MYO10: variants seen among roughly 807,000 people sequenced by gnomAD.
MYO10 encodes the protein myosin X.
MYO10 carries 133 observed loss-of-function variants against 257.3 expected under a neutral mutation model. The ratio of observed to expected loss-of-function variants is 0.52; its 90% confidence interval spans 0.45 to 0.60. The LOEUF is 0.60. Ranked by LOEUF, MYO10 falls within the 20% of genes least tolerant of loss-of-function variation. The pLI, the probability that MYO10 is intolerant of heterozygous loss-of-function variation, is 0.00. For synonymous variants in MYO10, 1,104 were observed against 1,028.6 expected, an observed-to-expected ratio of 1.07 and a Z score of -1.40; for missense variants, 2,399 against 2,635.7, an observed-to-expected ratio of 0.91 and a Z score of 1.97.
At chr5:16,680,232 C>T in intron 32 of MYO10, 128 bp from the exon 33 acceptor site, 2 of 1,176,676 alleles carry the variant, frequency 1.7e-6, no homozygotes, top group South Asian at 3.3e-5. Context: ...TTAATTCCTA[C>T]ATGTGTCCTG....
chr5:16,796,205 A>AG lies in MYO10; in HGVS notation c.280-1373_280-1372insC, dbSNP rs1244936323. ...CTCTGTCAAAAAAAAAAAAAAAAAG[A>AG]AAGAACAGAGAGAGAGCGAGAAAGA... On this transcript the variant is annotated intron_variant, in intron 3 of 40. Transcript: ENST00000513610. Among the ~76,000 whole-genome samples the AG allele has an allele frequency of 5.0e-4, 32 of 63,862 alleles. 3 individuals carry two copies. Among genetic ancestry groups the AG allele is most frequent in the African/African-American group, 1.1e-3 (25 of 21,980 alleles). 41.9% of individuals were successfully genotyped at this position (63,862 alleles called of 152,430 possible).
Position 16,672,734 on chromosome 5 carries a change from A to G in MYO10, c.5264T>C (p.Ile1755Thr). The G allele has an allele frequency of 6.2e-7, 1 of 1,614,036 alleles. No homozygotes were observed. Among genetic ancestry groups the G allele is most frequent in the Non-Finnish European group, 8.5e-7 (1 of 1,179,890 alleles). Residue 1755 changes from isoleucine to threonine, a missense_variant, in exon 37 of 41, where the codon ATT (isoleucine) becomes ACT (threonine). By Grantham distance (89) the Ile-to-Thr change is moderately conservative. Transcript: ENST00000513610. The stretch of plus-strand genomic sequence containing the variant: ...ATCAGCTACGACGGTTCGACTTTCA[A>G]TGGCTTTGTCGACGTGGCCGTTGTA... ...FEYNGHVDKAIESRTVVADVL... is the reference protein window; with the variant it reads ...FEYNGHVDKATESRTVVADVL...
chr5:16,886,932 C>CAAA (rs75535220), intron 1 of MYO10, among the ~76,000 whole-genome samples: 1 of 101,890 alleles, frequency 9.8e-6, no homozygotes, highest in African/African-American at 3.7e-5. Context: ...ACTCCATCTC[C>CAAA]AAAAAAAAAA....
intron 1 of MYO10, among the ~76,000 whole-genome samples, chr5:16,889,522 GGAAGGAAGGA>G (rs1744989433): frequency 1.4e-5 from 2 of 143,884 alleles, no homozygotes; most frequent in African/African-American, 2.7e-5. Context: ...AAGGAAGGAA[GGAAGGAAGGA>G]AGGGCGGACG....
intron 17 of MYO10, among the ~76,000 whole-genome samples, chr5:16,760,444 G>C (rs1478604936): frequency 6.8e-5 from 10 of 146,060 alleles, no homozygotes; most frequent in African/African-American, 2.5e-4. Context: ...CTGGGTGACA[G>C]AACGAGACCC....
At chr5:16,781,112 C>T (rs1741409354) in intron 6 of MYO10, among the ~76,000 whole-genome samples, 1 of 149,912 alleles carries the variant, frequency 6.7e-6, no homozygotes, top group Non-Finnish European at 1.5e-5. Flanking sequence ...CAGTGTCTCG[C>T]TCTCTCGCCC....
intron 2 of MYO10, among the ~76,000 whole-genome samples, chr5:16,849,100 T>A: frequency 6.6e-6 from 1 of 152,150 alleles, no homozygotes; most frequent in East Asian, 1.9e-4. Context: ...GGACTACAGG[T>A]ATGAGCCACG....
chr5:16,859,855 T>A (rs889701825), intron 2 of MYO10, among the ~76,000 whole-genome samples: 5 of 152,138 alleles, frequency 3.3e-5, no homozygotes, highest in Non-Finnish European at 1.5e-5. Flanking sequence ...TCCCTGAGCA[T>A]CCCTGGCCCA....
intron 3 of MYO10, among the ~76,000 whole-genome samples, chr5:16,808,828 C>T (rs564319064): frequency 3.3e-5 from 5 of 152,186 alleles, no homozygotes; most frequent in South Asian, 4.2e-4. Context: ...CCCGCCACCA[C>T]GCCTGGCTAA....
At chr5:16,756,085 T>A (rs935133160) in intron 18 of MYO10, among the ~76,000 whole-genome samples, 10 of 152,162 alleles carry the variant, frequency 6.6e-5, no homozygotes, top group African/African-American at 2.4e-4. Flanking sequence ...ATTTATTTAT[T>A]TATTTGAGAC....
chr5:16,717,806 C>G (rs1738937079), intron 19 of MYO10, among the ~76,000 whole-genome samples: 1 of 152,248 alleles, frequency 6.6e-6, no homozygotes, highest in African/African-American at 2.4e-5. Context: ...TCAGAGCCCT[C>G]ACTTGCTCTC....
At chr5:16,921,881 C>T (rs930408880) in intron 1 of MYO10, among the ~76,000 whole-genome samples, 6 of 151,906 alleles carry the variant, frequency 3.9e-5, no homozygotes, top group Non-Finnish European at 8.8e-5. Context: ...CGGCCACCAC[C>T]GCCCTCACCC....
chr5:16,829,956 C>A (rs1276866530), intron 2 of MYO10, among the ~76,000 whole-genome samples: 3 of 151,936 alleles, frequency 2.0e-5, no homozygotes, highest in African/African-American at 4.8e-5. Context: ...TTAAGGAAAA[C>A]CAGCCAGGTG....
intron 1 of MYO10, among the ~76,000 whole-genome samples, chr5:16,932,585 C>A (rs62371044): frequency 6.6e-6 from 1 of 152,086 alleles, no homozygotes; most frequent in African/African-American, 2.4e-5. Flanking sequence ...AGCATACACA[C>A]AATTAACTCG....
At chr5:16,773,347 A>T (rs1741113728) in intron 9 of MYO10, among the ~76,000 whole-genome samples, 1 of 152,320 alleles carries the variant, frequency 6.6e-6, no homozygotes, top group South Asian at 2.1e-4. Context: ...CATATCAGAT[A>T]TCAGCAAAAT....
At chr5:16,870,976 T>A (rs1298319691) in intron 2 of MYO10, among the ~76,000 whole-genome samples, 1 of 152,206 alleles carries the variant, frequency 6.6e-6, no homozygotes, top group African/African-American at 2.4e-5. Flanking sequence ...TTACCCACCA[T>A]CTGACCTCAA....
intron 32 of MYO10, 143 bp downstream of exon 32, chr5:16,681,166 G>T: frequency 2.3e-6 from 2 of 869,270 alleles, no homozygotes; most frequent in Non-Finnish European, 1.7e-6. Context: ...GCTAACCCCA[G>T]ACAGGCTTAG....
chr5:16,910,130 A>T (rs1745621855), intron 1 of MYO10, among the ~76,000 whole-genome samples: 1 of 152,176 alleles, frequency 6.6e-6, no homozygotes, highest in Non-Finnish European at 1.5e-5. Context: ...GGTTTTATTT[A>T]GGGGTATTGA....
intron 2 of MYO10, among the ~76,000 whole-genome samples, chr5:16,859,840 T>C (rs1032012368): frequency 1.3e-5 from 2 of 152,096 alleles, no homozygotes; most frequent in Non-Finnish European, 2.9e-5. Context: ...CCCAGAGCTG[T>C]TCACTCCCTG....
Sources: gnomAD v4.1 joint callset for allele counts (sites outside exome capture counted in the v4.1 genomes callset) on GRCh38, gnomAD v4.1.1 for gene constraint, MANE v1.5 for transcripts, NCBI Gene and HGNC (gene_info 2026-07-23, HGNC 2026-07-21) for gene names.